MAMLD1: variants seen among roughly 807,000 people sequenced by gnomAD.
The protein encoded by MAMLD1 is mastermind like domain containing 1.
In MAMLD1, 14 loss-of-function variants were observed where a neutral mutation model predicts 45.0. That is an observed-to-expected ratio of 0.31 (90% confidence interval 0.21 to 0.49). The LOEUF is 0.49. Ranked by LOEUF, MAMLD1 falls within the 20% of genes least tolerant of loss-of-function variation. The probability of loss-of-function intolerance (pLI) is 0.99; values close to 1 mark genes in which losing one functional copy is unlikely to be tolerated. For missense variants in MAMLD1, 543 were observed against 603.6 expected (o/e 0.90, Z 1.05); for synonymous variants, 254 against 247.8 (o/e 1.02, Z -0.24).
At chrX:150,370,740 G>A (rs2031914078) in intron 1 of MAMLD1, among the ~76,000 whole-genome samples, 1 of 111,427 alleles carries the variant, frequency 9.0e-6, no homozygotes, top group Non-Finnish European at 1.9e-5. Flanking sequence ...AGCCTCCCTG[G>A]TTTCCTTCAA....
rs782134984 is a variant in MAMLD1, at chrX:150,470,212, C to T, written c.639C>T (p.Pro213=). 4.1e-6 allele frequency: 5 copies of T among 1,211,870 alleles called. No individual in the cohort carries two copies. In the East Asian group the frequency reaches 1.2e-4, roughly 29 times the overall value. Residue 213 remains proline (P), a synonymous_variant, in exon 4 of 8, where the codon CCC becomes CCT. Coordinates refer to ENST00000370401, the MANE Select transcript of MAMLD1 (RefSeq NM_005491.5). The part of the protein sequence containing the change: ...KPEEPLVLDH[P]QATLSTTPKP... ...AAGAGCCACTGGTTTTAGATCATCC[C>T]CAGGCAACCCTAAGCACAACTCCCA...
chrX:150,427,853 C>T (rs1367029634), intron 1 of MAMLD1, among the ~76,000 whole-genome samples: 2 of 111,497 alleles, frequency 1.8e-5, no homozygotes, highest in Admixed American at 1.9e-4. Flanking sequence ...CAATCAATAT[C>T]CACATACTCC....
intron 2 of MAMLD1, among the ~76,000 whole-genome samples, chrX:150,457,854 TAG>T (rs1223353330): frequency 8.9e-6 from 1 of 112,589 alleles, no homozygotes; most frequent in Non-Finnish European, 1.9e-5. Flanking sequence ...GTTCTGGAAC[TAG>T]ATAGTGGTGA....
chrX:150,452,799 G>A (rs372084865), intron 2 of MAMLD1, among the ~76,000 whole-genome samples: 3 of 83,640 alleles, frequency 3.6e-5, no homozygotes, highest in Non-Finnish European at 6.5e-5. Context: ...TCCCCTTCCC[G>A]TGTCCATGTG....
chrX:150,365,303 C>T (rs1382297441), intron 1 of MAMLD1, among the ~76,000 whole-genome samples: 1 of 111,698 alleles, frequency 9.0e-6, no homozygotes, highest in Admixed American at 9.3e-5. Flanking sequence ...TTCGAGGACC[C>T]TCTGTGGGAA....
intron 5 of MAMLD1, among the ~76,000 whole-genome samples, chrX:150,485,981 C>G (rs1247579238): frequency 9.0e-6 from 1 of 111,670 alleles, no homozygotes; most frequent in African/African-American, 3.3e-5. Flanking sequence ...GTCTGAGAGG[C>G]CAGGCCAGAT....
intron 1 of MAMLD1, among the ~76,000 whole-genome samples, chrX:150,428,098 C>T (rs193156495): frequency 9.0e-6 from 1 of 110,996 alleles, no homozygotes; most frequent in Admixed American, 9.6e-5. Context: ...GCCTTCAGAG[C>T]CCAGCACAGA....
chrX:150,500,602 G>A (rs782046808), intron 5 of MAMLD1, among the ~76,000 whole-genome samples: 7 of 111,795 alleles, frequency 6.3e-5, no homozygotes, highest in African/African-American at 2.3e-4. Context: ...TGTGAGATTC[G>A]AAATAGTGTA....
intron 2 of MAMLD1, among the ~76,000 whole-genome samples, chrX:150,453,176 C>G (rs1557405143): frequency 8.9e-6 from 1 of 112,303 alleles, no homozygotes; most frequent in Non-Finnish European, 1.9e-5. Context: ...TCAGTTCATG[C>G]TCTAGGTCAG....
At chrX:150,411,165 G>T (rs5969801) in intron 1 of MAMLD1, among the ~76,000 whole-genome samples, 7,323 of 111,395 alleles carry the variant, frequency 0.066, 250 homozygotes, top group Non-Finnish European at 0.1. Context: ...GCCAGGCCAG[G>T]GTCCTCCCTA....
At chrX:150,443,265 A>T (rs1557404623) in intron 1 of MAMLD1, among the ~76,000 whole-genome samples, 1 of 90,231 alleles carries the variant, frequency 1.1e-5, no homozygotes, top group Non-Finnish European at 2.1e-5. Flanking sequence ...TCTCTTTCTC[A>T]TCTCCTTCTG....
At chrX:150,480,009 G>A (rs477252) in intron 5 of MAMLD1, among the ~76,000 whole-genome samples, 18,504 of 110,638 alleles carry the variant, frequency 0.17, 1,247 homozygotes, top group East Asian at 0.28. Flanking sequence ...TACTCAGAGG[G>A]CTGGACTGCA....
chrX:150,455,179 G>GC (rs1284466519), intron 2 of MAMLD1, among the ~76,000 whole-genome samples: 7 of 112,092 alleles, frequency 6.2e-5, no homozygotes, highest in African/African-American at 2.3e-4. Flanking sequence ...TGTGTTTATG[G>GC]CCAAAATTGA....
At chrX:150,368,418 T>C (rs1238702035) in intron 1 of MAMLD1, among the ~76,000 whole-genome samples, 1 of 110,793 alleles carries the variant, frequency 9.0e-6, no homozygotes, top group African/African-American at 3.3e-5. Flanking sequence ...TTTTTTTTTT[T>C]TCTTGTAAAT....
intron 3 of MAMLD1, among the ~76,000 whole-genome samples, 170 bp from the exon 4 acceptor site, chrX:150,469,575 A>G (rs1243180180): frequency 1.8e-5 from 2 of 110,409 alleles, no homozygotes; most frequent in Non-Finnish European, 3.8e-5. Flanking sequence ...CCTGTTCATT[A>G]GCTTTAATGT....
At chrX:150,386,023 T>G (rs1557402023) in intron 1 of MAMLD1, among the ~76,000 whole-genome samples, 1 of 111,495 alleles carries the variant, frequency 9.0e-6, no homozygotes, top group Non-Finnish European at 1.9e-5. Context: ...TAAAGTTGTC[T>G]TCTGTTATTT....
At chrX:150,479,025 A>T (rs782649747) in intron 5 of MAMLD1, among the ~76,000 whole-genome samples, 7 of 111,896 alleles carry the variant, frequency 6.3e-5, no homozygotes, top group Non-Finnish European at 1.1e-4. Flanking sequence ...TTTGGGAAAC[A>T]CAGGCTTAGA....
At chrX:150,495,043 T>G in intron 5 of MAMLD1, among the ~76,000 whole-genome samples, 1 of 111,793 alleles carries the variant, frequency 8.9e-6, no homozygotes, top group Middle Eastern at 4.6e-3. Context: ...CTGTCTCTAC[T>G]AAAAATACAA....
At chrX:150,484,067 A>G (rs1415232167) in intron 5 of MAMLD1, among the ~76,000 whole-genome samples, 3 of 112,389 alleles carry the variant, frequency 2.7e-5, no homozygotes, top group Non-Finnish European at 5.6e-5. Context: ...TGACTAGCAC[A>G]GTATAAAGTG....
Sources: allele counts gnomAD v4.1 joint callset (sites outside exome capture counted in the v4.1 genomes callset), GRCh38; gene constraint gnomAD v4.1.1; transcripts MANE v1.5; gene names NCBI Gene and HGNC (gene_info 2026-07-23, HGNC 2026-07-21).